The following NEDD1 variants were observed in gnomAD, a reference collection of about 807,000 sequenced individuals.
The protein encoded by NEDD1 is NEDD1 gamma-tubulin ring complex targeting factor.
NEDD1 carries 33 observed loss-of-function variants against 74.0 expected under a neutral mutation model. The ratio of observed to expected loss-of-function variants is 0.45; its 90% confidence interval spans 0.34 to 0.60. The LOEUF (loss-of-function observed/expected upper bound fraction) is 0.60, where lower values mean the gene tolerates loss of function less well. Among genes scored for constraint, NEDD1 ranks in the 20% least tolerant of loss-of-function variants. NEDD1 has a pLI of 0.01. For missense variants in NEDD1, 746 were observed against 776.5 expected, an observed-to-expected ratio of 0.96 and a Z score of 0.47; for synonymous variants, 250 against 264.4, an observed-to-expected ratio of 0.95 and a Z score of 0.53.
In NEDD1 at chr12:96,907,586, G is replaced by A; in HGVS notation, c.-261-18G>A. 3.2e-6 allele frequency: 5 copies of A among 1,550,608 alleles called. No homozygotes were observed. The highest frequency in any genetic ancestry group is 4.4e-6 in the Non-Finnish European group (5 of 1,146,026). On this transcript the variant is annotated intron_variant, in intron 1 of 15. Transcript: ENST00000266742. ...CTGTCTCCTTTTTTGTCAACCTCAA[G>A]TACTTTTCTTTTGGCAGGTACTTGG... is the stretch of plus-strand genomic sequence containing the variant.
In NEDD1 at chr12:96,933,767, A is replaced by T. The variant is rs569806842; in HGVS notation, c.490-1209A>T. ...GAGACATTTTAGAATTAAGTAGAAT[A>T]TAAATTCATAGGGAAAAATTAGCTT... On this transcript the variant is annotated intron_variant, in intron 6 of 15. Coordinates refer to ENST00000266742, the MANE Select transcript of NEDD1 (RefSeq NM_152905.4). Among the ~76,000 whole-genome samples the T allele has an allele frequency of 1.1e-4, 17 of 152,318 alleles. No individual in the cohort carries two copies. In the East Asian group the frequency reaches 3.1e-3, roughly 28 times the overall value.
intron 2 of NEDD1, among the ~76,000 whole-genome samples, chr12:96,908,218 GATGA>G (rs1470020951): frequency 6.6e-6 from 1 of 152,202 alleles, no homozygotes; most frequent in East Asian, 1.9e-4. Flanking sequence ...CACTGTATCG[GATGA>G]ATGGAGCATA....
chr12:96,923,451 A>G (rs1875329978), intron 6 of NEDD1, among the ~76,000 whole-genome samples: 1 of 152,208 alleles, frequency 6.6e-6, no homozygotes. Context: ...ACATTTTCTA[A>G]AGTGAAATCC....
At chr12:96,946,988 C>G (rs1404257886) in intron 14 of NEDD1, among the ~76,000 whole-genome samples, 1 of 152,204 alleles carries the variant, frequency 6.6e-6, no homozygotes, top group Non-Finnish European at 1.5e-5. Flanking sequence ...CGCAATCCTT[C>G]TATCCTCTTC....
At chr12:96,943,300 A>T (rs536755822) in intron 11 of NEDD1, among the ~76,000 whole-genome samples, 10 of 152,272 alleles carry the variant, frequency 6.6e-5, no homozygotes, top group Non-Finnish European at 1.3e-4. Flanking sequence ...TATTTTCACA[A>T]ATAATATCTT....
intron 2 of NEDD1, among the ~76,000 whole-genome samples, chr12:96,908,799 AGTT>A (rs1291335061): frequency 1.3e-5 from 2 of 152,346 alleles, no homozygotes; most frequent in East Asian, 1.9e-4. Context: ...ACTTATTAGT[AGTT>A]ATTTGTTGTG....
At chr12:96,932,115 C>T (rs971737588) in intron 6 of NEDD1, among the ~76,000 whole-genome samples, 2 of 151,740 alleles carry the variant, frequency 1.3e-5, no homozygotes, top group African/African-American at 2.4e-5. Context: ...AATCTCCCTC[C>T]TCCACAAACA....
intron 4 of NEDD1, 121 bp from the exon 5 acceptor site, chr12:96,917,500 A>G (rs932836948): frequency 3.5e-6 from 4 of 1,131,804 alleles, no homozygotes; most frequent in Non-Finnish European, 4.6e-6. Flanking sequence ...CAAGATTAGC[A>G]TGTTTATAGT....
At position 96,921,474 on chromosome 12, in the gene NEDD1, C is replaced by T. The variant is rs1005180145; in HGVS notation, c.489+1349C>T. 3.3e-5 allele frequency among the ~76,000 whole-genome samples: 5 copies of T among 152,140 alleles called. No homozygotes were observed. In the East Asian group the frequency reaches 9.6e-4, roughly 29 times the overall value. The stretch of plus-strand genomic sequence containing the variant: ...AGGATTACAGGTATGAGCCACTGCA[C>T]CCAGCCAGGGTTAGTCTTTTTCACG... On this transcript the variant is annotated intron_variant, in intron 6 of 15. Transcript: ENST00000266742.
At chr12:96,911,115 T>C (rs1287993910) in intron 3 of NEDD1, among the ~76,000 whole-genome samples, 1 of 152,206 alleles carries the variant, frequency 6.6e-6, no homozygotes, top group Non-Finnish European at 1.5e-5. Flanking sequence ...TTGAAGGACT[T>C]TCCAGATGTG....
chr12:96,924,837 T>A (rs1260371904), intron 6 of NEDD1: 3 of 453,808 alleles, frequency 6.6e-6, no homozygotes, highest in Non-Finnish European at 1.3e-5. Context: ...GACTAGGCTC[T>A]CCAATCCAGT....
intron 6 of NEDD1, among the ~76,000 whole-genome samples, chr12:96,932,664 A>G (rs1157362993): frequency 3.3e-5 from 5 of 150,720 alleles, no homozygotes; most frequent in Admixed American, 6.6e-5. Flanking sequence ...TATCACAGAA[A>G]TAATTGGAGA....
At chr12:96,949,045 G>T (rs1004806785) in intron 14 of NEDD1, among the ~76,000 whole-genome samples, 4 of 152,078 alleles carry the variant, frequency 2.6e-5, no homozygotes, top group African/African-American at 9.7e-5. Context: ...TACAGCCTTG[G>T]CTACCTTGGT....
chr12:96,935,112 C>G lies in NEDD1; in HGVS notation c.626C>G (p.Ala209Gly). ...HNFDSVHKAPASGICFSPVNE... is the reference protein window; with the variant it reads ...HNFDSVHKAPGSGICFSPVNE... ...TTTGACAGTGTACACAAAGCTCCAGCGTCAGGCATCTGTTTTTCTCCTGTC... is the reference window on the plus strand; with the variant it reads ...TTTGACAGTGTACACAAAGCTCCAGGGTCAGGCATCTGTTTTTCTCCTGTC... Residue 209 changes from alanine to glycine, a missense_variant, in exon 7 of 16, where the codon GCG becomes GGG. Coordinates refer to ENST00000266742, the MANE Select transcript of NEDD1 (RefSeq NM_152905.4). 1 of 1,612,682 alleles carries G rather than the reference C, an allele frequency of 6.2e-7. No individual in the cohort carries two copies. The highest frequency in any genetic ancestry group is 1.1e-5 in the South Asian group (1 of 91,048).
intron 6 of NEDD1, among the ~76,000 whole-genome samples, chr12:96,926,936 A>G (rs1044059747): frequency 6.6e-6 from 1 of 151,842 alleles, no homozygotes; most frequent in African/African-American, 2.4e-5. Flanking sequence ...GCAGTGAGCC[A>G]TGACTGTGCT....
rs866553428 is a variant in NEDD1 at position 96,932,487 on chromosome 12, T to A, written c.490-2489T>A. 1.8e-3 allele frequency among the ~76,000 whole-genome samples: 135 copies of A among 75,046 alleles called. 2 individuals carry two copies. Among genetic ancestry groups the A allele is most frequent in the African/African-American group, 6.4e-3 (130 of 20,206 alleles). 49.2% of individuals were successfully genotyped at this position (75,046 alleles called of 152,430 possible). A position where few individuals can be genotyped will look rare whatever the true frequency, so the allele number is the denominator to read the frequency against. On this transcript the variant is annotated intron_variant, in intron 6 of 15. Transcript: ENST00000266742. ...AAATATATATATATATATATATATA[T>A]AAAATGCACACACACAAGTAAATAT... is the stretch of plus-strand genomic sequence containing the variant.
intron 3 of NEDD1, among the ~76,000 whole-genome samples, chr12:96,911,648 A>G (rs1205475729): frequency 2.6e-5 from 4 of 152,216 alleles, no homozygotes; most frequent in African/African-American, 7.2e-5. Flanking sequence ...ATAAAAAAGA[A>G]CTAGATTACC....
rs541099704 is a variant in NEDD1, at chr12:96,946,446, A to G, written c.1811+597A>G. Among the ~76,000 whole-genome samples the G allele has an allele frequency of 2.0e-5, 3 of 152,244 alleles. No homozygotes were observed. In the East Asian group the frequency reaches 5.8e-4, roughly 29 times the overall value. The stretch of plus-strand genomic sequence containing the variant: ...TGGTGCCTTTTTTCCTTTCTAACCT[A>G]TAGTTAATGTTGTAGCTCAGATTTG... On this transcript the variant is annotated intron_variant, in intron 14 of 15. Coordinates refer to ENST00000266742, the MANE Select transcript of NEDD1 (RefSeq NM_152905.4).
At chr12:96,928,827 C>T (rs1304202141) in intron 6 of NEDD1, among the ~76,000 whole-genome samples, 3 of 151,612 alleles carry the variant, frequency 2.0e-5, no homozygotes, top group African/African-American at 4.8e-5. Flanking sequence ...GCTGCGACTA[C>T]AGGCGCCTGC....
Sources: gnomAD v4.1 joint callset for allele counts (sites outside exome capture counted in the v4.1 genomes callset) on GRCh38, gnomAD v4.1.1 for gene constraint, MANE v1.5 for transcripts, NCBI Gene and HGNC (gene_info 2026-07-23, HGNC 2026-07-21) for gene names.